Variants in KRT33A observed in about 807,000 individuals in gnomAD.
KRT33A encodes the protein keratin, type I cuticular Ha3-I.
KRT33A carries 44 observed loss-of-function variants against 41.1 expected under a neutral mutation model. That is an observed-to-expected ratio of 1.07 (90% CI 0.84 to 1.38). The LOEUF is 1.38. KRT33A is among the 40% of genes most tolerant of loss of function. KRT33A has a pLI of 0.00. For synonymous variants in KRT33A, 229 were observed against 227.8 expected (o/e 1.01, Z -0.05); for missense variants, 536 against 518.5 (o/e 1.03, Z -0.33).
At chr17:41,347,360 A>C in intron 3 of KRT33A, 138 bp from the exon 4 acceptor site, 1 of 1,042,754 alleles carries the variant, frequency 9.6e-7, no homozygotes, top group Non-Finnish European at 1.3e-6. Flanking sequence ...ACCAGGATCT[A>C]TATTCAATGA....
At chr17:41,348,978 G>A (rs1312398769) in intron 2 of KRT33A, among the ~76,000 whole-genome samples, 1 of 152,202 alleles carries the variant, frequency 6.6e-6, no homozygotes, top group East Asian at 1.9e-4. Context: ...CTAAAAAAAA[G>A]AAGAAAGCCA....
At chr17:41,349,555 C>A in intron 1 of KRT33A, 127 bp from the exon 2 acceptor site, 1 of 828,068 alleles carries the variant, frequency 1.2e-6, no homozygotes, top group South Asian at 1.9e-5. Flanking sequence ...CTATATACAG[C>A]AGGTACTCAA....
rs2017457965 is a variant in KRT33A at position 41,348,561 on chromosome 17, G to T, written c.510C>A (p.Thr170=). The change falls in exon 3 of 7, where the codon ACC becomes ACA. Residue 170 remains threonine, a synonymous_variant. Transcript: ENST00000007735. ...GGGCCTCCAGGTCAGACCTGCACAG[G>T]GTCAGCTCATCCAGGATCCTGCGCA... ...NGLRRILDEL[T]LCRSDLEAQV... 6.2e-7 allele frequency: 1 copy of T among 1,613,836 alleles called. No homozygotes were observed. Among genetic ancestry groups the T allele is most frequent in the Admixed American group, 1.7e-5 (1 of 59,976 alleles).
rs768687935 is a variant in KRT33A, at chr17:41,346,441, T to C, written c.1097+7A>G. 5.0e-6 allele frequency: 8 copies of C among 1,613,966 alleles called. No homozygotes were observed. Among genetic ancestry groups the C allele is most frequent in the African/African-American group, 2.7e-5 (2 of 75,044 alleles). On this transcript the variant is annotated splice_region_variant and intron_variant, in intron 6 of 6. Transcript: ENST00000007735. ...CCCAAGGAGAAGATTACTACCCCCATACTGACTTGCAGTCCTCGCTCTCCA... is the reference window on the plus strand; with the variant it reads ...CCCAAGGAGAAGATTACTACCCCCACACTGACTTGCAGTCCTCGCTCTCCA...
chr17:41,349,374 T>C lies in KRT33A; in HGVS notation c.403A>G (p.Lys135Glu). ...ARLVVQIDNA[K>E]LASDDFRTKY... Reference sequence around the variant, plus strand: ...GTCCTGAAGTCATCTGAGGCCAGCTTGGCATTGTCGATCTGCACCACAAGC... The same window carrying C: ...GTCCTGAAGTCATCTGAGGCCAGCTCGGCATTGTCGATCTGCACCACAAGC... The change falls in exon 2 of 7, where the codon AAG (lysine) becomes GAG (glutamate). Residue 135 changes from lysine to glutamate, a missense_variant. Lys to Glu is a moderately conservative substitution (Grantham distance 56). Coordinates refer to ENST00000007735, the MANE Select transcript of KRT33A (RefSeq NM_004138.4). 1 of 1,614,006 alleles carries C rather than the reference T, an allele frequency of 6.2e-7. No homozygotes were observed. The highest frequency in any genetic ancestry group is 8.5e-7 in the Non-Finnish European group (1 of 1,179,998).
chr17:41,346,844 C>T lies in KRT33A; in HGVS notation c.876G>A (p.Leu292=). 6.2e-7 allele frequency: 1 copy of T among 1,612,608 alleles called. No individual in the cohort carries two copies. Among genetic ancestry groups the T allele is most frequent in the South Asian group, 1.1e-5 (1 of 91,002 alleles). Residue 292 remains leucine, a splice_region_variant and synonymous_variant, in exon 5 of 7, where the codon CTG becomes CTA. Transcript: ENST00000007735. ...LEIELQAQHN[L]RDSLENTLTE... Reference sequence around the variant, plus strand: ...ACCAGCAGGTCTGAACAATACACACCAGGTTGTGCTGGGCCTGCAGCTCGA... The same window carrying T: ...ACCAGCAGGTCTGAACAATACACACTAGGTTGTGCTGGGCCTGCAGCTCGA...
In KRT33A at chr17:41,346,913, C is replaced by A. The variant is rs1440825067; in HGVS notation, c.807G>T (p.Gln269His). The part of the protein sequence containing the change: ...VSSSEQLQSY[Q>H]AEIIELRRTV... Reference sequence around the variant, plus strand: ...TGCGTCTCAGCTCGATGATCTCCGCCTGGTAGGACTGCAGCTGCTCCGAGC... The same window carrying A: ...TGCGTCTCAGCTCGATGATCTCCGCATGGTAGGACTGCAGCTGCTCCGAGC... The change falls in exon 5 of 7, where the codon CAG becomes CAT. Residue 269 changes from glutamine (Q) to histidine (H), a missense_variant. Transcript: ENST00000007735. 1 of 1,613,220 alleles carries A rather than the reference C, an allele frequency of 6.2e-7. No individual in the cohort carries two copies. Among genetic ancestry groups the A allele is most frequent in the Non-Finnish European group, 8.5e-7 (1 of 1,180,044 alleles).
rs145856348 is a variant in KRT33A at position 41,349,376 on chromosome 17, G to A, written c.401C>T (p.Ala134Val). 11 of 1,614,030 alleles carry A rather than the reference G, an allele frequency of 6.8e-6. No homozygotes were observed. The African/African-American group carries it at 1.3e-4, about 20-fold the overall frequency. Residue 134 changes from alanine (A) to valine (V), a missense_variant, in exon 2 of 7, where the codon GCC (alanine) becomes GTC (valine). Transcript: ENST00000007735. Reference protein sequence around the residue: ...NARLVVQIDNAKLASDDFRTK... With the variant: ...NARLVVQIDNVKLASDDFRTK... Reference sequence around the variant, plus strand: ...CCTGAAGTCATCTGAGGCCAGCTTGGCATTGTCGATCTGCACCACAAGCCT... The same window carrying A: ...CCTGAAGTCATCTGAGGCCAGCTTGACATTGTCGATCTGCACCACAAGCCT...
chr17:41,348,608 C>G lies in KRT33A; in HGVS notation c.463G>C (p.Val155Leu), dbSNP rs1023938834. 6.2e-7 allele frequency: 1 copy of G among 1,614,144 alleles called. No individual in the cohort carries two copies. Among genetic ancestry groups the G allele is most frequent in the African/African-American group, 1.3e-5 (1 of 75,028 alleles). Residue 155 changes from valine to leucine, a missense_variant, in exon 3 of 7, where the codon GTG becomes CTG. By Grantham distance (32) the Val-to-Leu change is conservative. Transcript: ENST00000007735. ...YETELSLRQL[V>L]ESDINGLRRI... ...CGCAGGCCATTGATGTCCGACTCCA[C>G]CAGCTGCCGCAGGGACAGCTCGGTC...
At position 41,350,443 on chromosome 17, in the gene KRT33A, T is replaced by C. The variant is rs756896552; in HGVS notation, c.325A>G (p.Thr109Ala). The C allele has an allele frequency of 6.2e-7, 1 of 1,613,958 alleles. No homozygotes were observed. The highest frequency in any genetic ancestry group is 1.1e-5 in the South Asian group (1 of 91,050). Residue 109 changes from threonine to alanine, a missense_variant, in exon 1 of 7, where the codon ACC becomes GCC. Transcript: ENST00000007735. Reference sequence around the variant, plus strand: ...ACCTTCTGCTGGAGCTCCTCAATGGTCTTGAAGTAGGACTGGTAGCTGGCA... The same window carrying C: ...ACCTTCTGCTGGAGCTCCTCAATGGCCTTGAAGTAGGACTGGTAGCTGGCA... ...VCASYQSYFK[T>A]IEELQQKILC... is the part of the protein sequence containing the mutation.
Position 41,350,620 on chromosome 17 carries a change from C to G in KRT33A, c.148G>C (p.Gly50Arg). ...NVSNCNWFCE[G>R]SFNGSEKETM... ...TCCTTCTCACTGCCATTGAAGGAGCCCTCACAGAACCAGTTGCAGTTGCTC... is the reference window on the plus strand; with the variant it reads ...TCCTTCTCACTGCCATTGAAGGAGCGCTCACAGAACCAGTTGCAGTTGCTC... The change falls in exon 1 of 7, where the codon GGC becomes CGC. Residue 50 changes from glycine to arginine, a missense_variant. Transcript: ENST00000007735. 6.2e-7 allele frequency: 1 copy of G among 1,612,742 alleles called. No homozygotes were observed.
In KRT33A at chr17:41,346,868, G is replaced by T. The variant is rs542506906; in HGVS notation, c.852C>A (p.Ile284=). The change falls in exon 5 of 7, where the codon ATC becomes ATA. Residue 284 remains isoleucine, a synonymous_variant. Coordinates refer to ENST00000007735, the MANE Select transcript of KRT33A (RefSeq NM_004138.4). ...CCAGGTTGTGCTGGGCCTGCAGCTC[G>T]ATCTCCAGGGCATTGACCGTGCGTC... ...ELRRTVNALE[I]ELQAQHNLRD... is the part of the protein sequence containing the mutation. The T allele has an allele frequency of 6.2e-7, 1 of 1,612,674 alleles. No homozygotes were observed. Among genetic ancestry groups the T allele is most frequent in the Non-Finnish European group, 8.5e-7 (1 of 1,180,040 alleles).
chr17:41,348,490 T>C lies in KRT33A; in HGVS notation c.581A>G (p.His194Arg). Residue 194 changes from histidine (H) to arginine (R), a missense_variant, in exon 3 of 7, where the codon CAT (histidine) becomes CGT (arginine). Coordinates refer to ENST00000007735, the MANE Select transcript of KRT33A (RefSeq NM_004138.4). ...KEELLCLKQN[H>R]EQEVNTLRCQ... is the part of the protein sequence containing the mutation. ...ACTCTTCAGGGAACTCACCTGCTCA[T>C]GGTTCTGCTTGAGGCACAGCAGCTC... The C allele has an allele frequency of 6.2e-7, 1 of 1,614,072 alleles. No individual in the cohort carries two copies. The highest frequency in any genetic ancestry group is 8.5e-7 in the Non-Finnish European group (1 of 1,180,012).
Position 41,346,647 on chromosome 17 carries a change from G to T in KRT33A, c.898C>A (p.Leu300Met). The T allele has an allele frequency of 6.2e-7, 1 of 1,614,236 alleles. No homozygotes were observed. Among genetic ancestry groups the T allele is most frequent in the Non-Finnish European group, 8.5e-7 (1 of 1,180,048 alleles). Residue 300 changes from leucine (L) to methionine (M), a missense_variant, in exon 6 of 7, where the codon CTG becomes ATG. Physicochemically the swap from Leu to Met is conservative, Grantham distance 15. Coordinates refer to ENST00000007735, the MANE Select transcript of KRT33A (RefSeq NM_004138.4). Reference protein sequence around the residue: ...HNLRDSLENTLTESEARYSSQ... With the variant: ...HNLRDSLENTMTESEARYSSQ... ...CTGTAGCGGGCCTCGCTCTCTGTCA[G>T]CGTGTTTTCCAGAGAGTCTCGCTGT...
At position 41,346,184 on chromosome 17, in the gene KRT33A, G is replaced by A. The variant is rs1233487831; in HGVS notation, c.1150C>T (p.Pro384Ser). The A allele has an allele frequency of 2.5e-6, 4 of 1,614,202 alleles. 1 individual carries two copies. The South Asian group carries it at 3.3e-5, about 13-fold the overall frequency. The change falls in exon 7 of 7, where the codon CCC (proline) becomes TCC (serine). Residue 384 changes from proline (P) to serine (S), a missense_variant. Transcript: ENST00000007735. ...AGGCCACAGGGATTAGAGATACAGG[G>A]CCCAGTGGACTTGTCACATGCATTG... ...TTNACDKSTG[P>S]CISNPCGLRA...
Position 41,346,536 on chromosome 17 carries a change from G to A in KRT33A, c.1009C>T (p.Gln337Ter). The A allele has an allele frequency of 1.2e-6, 2 of 1,614,128 alleles. No individual in the cohort carries two copies. The highest frequency in any genetic ancestry group is 1.7e-6 in the Non-Finnish European group (2 of 1,180,026). Residue 337 changes from glutamine to a stop codon, truncating the protein, a stop_gained, in exon 6 of 7, where the codon CAG (glutamine) becomes TAG (stop). Coordinates refer to ENST00000007735, the MANE Select transcript of KRT33A (RefSeq NM_004138.4). LOFTEE classifies it high-confidence loss of function. ...ACGTCCAGCAGCACCTGATACTCCT[G>A]GTTCTGCCGCTCCAGGTCACTGCGG... ...EIRSDLERQN[Q>*]EYQVLLDVRA...
At chr17:41,350,303 G>A (rs1459732979) in intron 1 of KRT33A, 117 bp downstream of exon 1, 1 of 1,269,846 alleles carries the variant, frequency 7.9e-7, no homozygotes, top group Non-Finnish European at 1.1e-6. Context: ...AAAACAAAAT[G>A]GAAAGGCCAG....
At chr17:41,347,290 T>C in intron 3 of KRT33A, 68 bp from the exon 4 acceptor site, 1 of 1,494,412 alleles carries the variant, frequency 6.7e-7, no homozygotes, top group Non-Finnish European at 9.0e-7. Context: ...GAGAATGCAA[T>C]TCAACTTCTG....
At chr17:41,348,430 G>A (rs1008873017) in intron 3 of KRT33A, 53 bp downstream of exon 3, 2 of 1,602,688 alleles carry the variant, frequency 1.2e-6, no homozygotes, top group African/African-American at 2.7e-5. Context: ...CCCTGTGGCA[G>A]TTGTGAAACA....
Sources: gnomAD v4.1 joint callset for allele counts (sites outside exome capture counted in the v4.1 genomes callset) on GRCh38, gnomAD v4.1.1 for gene constraint, MANE v1.5 for transcripts, NCBI Gene and HGNC (gene_info 2026-07-23, HGNC 2026-07-21) for gene names.